The following PTPRT variants were observed in gnomAD, a reference collection of about 807,000 sequenced individuals.
PTPRT encodes the protein receptor-type tyrosine-protein phosphatase T.
In PTPRT, 56 loss-of-function variants were observed where a neutral mutation model predicts 176.8. That is an observed-to-expected ratio of 0.32 (90% CI 0.26 to 0.40). The LOEUF is 0.40. Among genes scored for constraint, PTPRT ranks in the 10% least tolerant of loss-of-function variants. The probability of loss-of-function intolerance (pLI) is 1.00; values close to 1 mark genes in which losing one functional copy is unlikely to be tolerated. For missense variants in PTPRT, 1,540 were observed against 1,908.2 expected, an observed-to-expected ratio of 0.81 and a Z score of 3.60; for synonymous variants, 783 against 739.0, an observed-to-expected ratio of 1.06 and a Z score of -0.96.
rs969235682 is a variant in PTPRT at position 42,767,103 on chromosome 20, G to A, written c.684+4332C>T. Among the ~76,000 whole-genome samples the A allele has an allele frequency of 9.2e-5, 14 of 152,188 alleles. No homozygotes were observed. The East Asian group carries it at 1.2e-3, about 13-fold the overall frequency. On this transcript the variant is annotated intron_variant, in intron 5 of 30. Coordinates refer to ENST00000373187, the MANE Select transcript of PTPRT (RefSeq NM_007050.6). ...TTGGCCTGTCTTGGATGGTGGCTGCGATCCTCTCTGGGGTGGCAGGTGTGT... is the reference window on the plus strand; with the variant it reads ...TTGGCCTGTCTTGGATGGTGGCTGCAATCCTCTCTGGGGTGGCAGGTGTGT...
intron 1 of PTPRT, among the ~76,000 whole-genome samples, chr20:43,125,378 C>A (rs2013402946): frequency 6.6e-6 from 1 of 152,118 alleles, no homozygotes; most frequent in African/African-American, 2.4e-5. Flanking sequence ...TGAATGAATA[C>A]CTGTACACAA....
chr20:42,399,980 G>A (rs560833087), intron 9 of PTPRT, among the ~76,000 whole-genome samples: 20 of 152,316 alleles, frequency 1.3e-4, no homozygotes, highest in African/African-American at 4.6e-4. Context: ...AATGTTAACA[G>A]TTGAGTCCAG....
chr20:43,115,203 A>G (rs1401614541), intron 1 of PTPRT, among the ~76,000 whole-genome samples: 3 of 152,140 alleles, frequency 2.0e-5, no homozygotes, highest in Non-Finnish European at 2.9e-5. Context: ...AAGATGCCCA[A>G]TTCCAATATT....
rs1358640361 is a variant in PTPRT, at chr20:42,195,562, G to A, written c.2491+3678C>T. Among the ~76,000 whole-genome samples, 7 of 152,108 alleles carry A rather than the reference G, an allele frequency of 4.6e-5. No individual in the cohort carries two copies. The South Asian group carries it at 8.3e-4, about 18-fold the overall frequency. On this transcript the variant is annotated intron_variant, in intron 16 of 30. Coordinates refer to ENST00000373187, the MANE Select transcript of PTPRT (RefSeq NM_007050.6). ...CATTCTAGGGCAGTCAAAAGATCCT[G>A]AGAGTGTTTTTGTAGCTGTAGCCTG...
At chr20:43,086,732 C>T (rs1349038653) in intron 1 of PTPRT, among the ~76,000 whole-genome samples, 1 of 152,142 alleles carries the variant, frequency 6.6e-6, no homozygotes, top group Non-Finnish European at 1.5e-5. Context: ...GTTGTCATAT[C>T]CATACAAAGT....
downstream of PTPRT, among the ~76,000 whole-genome samples, chr20:42,068,341 C>A (rs114060476): frequency 5.9e-3 from 898 of 152,254 alleles, 11 homozygotes; most frequent in African/African-American, 0.02. Context: ...AGCGGTTAGG[C>A]TGAGAATATT....
intron 15 of PTPRT, among the ~76,000 whole-genome samples, chr20:42,232,785 G>C (rs1197332558): frequency 7.6e-6 from 1 of 131,416 alleles, no homozygotes; most frequent in Non-Finnish European, 1.5e-5. Context: ...CTTTCAGGTA[G>C]CCAGTATCAT....
rs917391747 is a variant in PTPRT at position 42,084,603 on chromosome 20, G to A, written c.4136+79C>T. 8 of 1,255,004 alleles carry A rather than the reference G, an allele frequency of 6.4e-6. No homozygotes were observed. The East Asian group carries it at 1.5e-4, about 23-fold the overall frequency. The allele number at this position is 1,255,004 out of a possible 1,614,324, so 77.7% of individuals were successfully genotyped here. ...ATAGCCAGGCCTGCCTAGGACTGGG[G>A]TATGTGGCCAGCAGCATCTGCAAGG... On this transcript the variant is annotated intron_variant, in intron 29 of 30. Transcript: ENST00000373187.
At chr20:42,314,673 T>G (rs1474587337) in intron 12 of PTPRT, among the ~76,000 whole-genome samples, 1 of 152,072 alleles carries the variant, frequency 6.6e-6, no homozygotes, top group East Asian at 1.9e-4. Flanking sequence ...CACATTTATA[T>G]AGAGAAGAAA....
chr20:42,298,751 T>C (rs576170440), intron 12 of PTPRT, among the ~76,000 whole-genome samples: 1 of 152,240 alleles, frequency 6.6e-6, no homozygotes, highest in African/African-American at 2.4e-5. Flanking sequence ...TTAAACCCTG[T>C]CTCTACTAAA....
At chr20:42,455,578 C>T (rs1213721121) in intron 8 of PTPRT, among the ~76,000 whole-genome samples, 1 of 152,132 alleles carries the variant, frequency 6.6e-6, no homozygotes, top group East Asian at 1.9e-4. Context: ...TTAAGAGTTA[C>T]TCTTTTAATA....
At chr20:42,691,949 T>C (rs1483270306) in intron 6 of PTPRT, among the ~76,000 whole-genome samples, 1 of 152,170 alleles carries the variant, frequency 6.6e-6, no homozygotes, top group Non-Finnish European at 1.5e-5. Flanking sequence ...GCAGGCACTG[T>C]TCTAGGTATT....
At chr20:42,644,580 A>C (rs2074844618) in intron 7 of PTPRT, among the ~76,000 whole-genome samples, 1 of 152,082 alleles carries the variant, frequency 6.6e-6, no homozygotes, top group South Asian at 2.1e-4. Context: ...AATGAAGAAT[A>C]AGGTGTTTTG....
chr20:42,690,415 G>A (rs150573897), intron 6 of PTPRT, among the ~76,000 whole-genome samples: 5 of 152,322 alleles, frequency 3.3e-5, no homozygotes, highest in East Asian at 1.9e-4. Flanking sequence ...TAATGGCCAC[G>A]GGGCTGGAGA....
At chr20:42,743,047 C>A (rs1314873886) in intron 6 of PTPRT, among the ~76,000 whole-genome samples, 1 of 152,190 alleles carries the variant, frequency 6.6e-6, no homozygotes, top group African/African-American at 2.4e-5. Flanking sequence ...ATTAAAAGAA[C>A]AAACCACAGA....
chr20:42,364,220 TC>T (rs2058483613), intron 9 of PTPRT, among the ~76,000 whole-genome samples: 1 of 152,174 alleles, frequency 6.6e-6, no homozygotes, highest in Non-Finnish European at 1.5e-5. Flanking sequence ...GAGAAATCCA[TC>T]GATCACGTAA....
intron 26 of PTPRT, 36 bp from the exon 27 acceptor site, chr20:42,098,588 C>A (rs772414098): frequency 6.2e-7 from 1 of 1,612,234 alleles, no homozygotes. Flanking sequence ...GTAAATTACA[C>A]ATCCATCAGT....
intron 15 of PTPRT, among the ~76,000 whole-genome samples, chr20:42,216,932 G>A (rs1338117162): frequency 6.6e-6 from 1 of 152,110 alleles, no homozygotes; most frequent in Non-Finnish European, 1.5e-5. Context: ...GTAAATCAGG[G>A]GTGAGTGCAA....
chr20:42,638,050 G>A (rs1347818863), intron 7 of PTPRT, among the ~76,000 whole-genome samples: 1 of 152,102 alleles, frequency 6.6e-6, no homozygotes, highest in East Asian at 1.9e-4. Context: ...CACTGATAGG[G>A]AGAAATCAGT....
Sources: gnomAD v4.1 joint callset for allele counts (sites outside exome capture counted in the v4.1 genomes callset) on GRCh38, gnomAD v4.1.1 for gene constraint, MANE v1.5 for transcripts, NCBI Gene and HGNC (gene_info 2026-07-23, HGNC 2026-07-21) for gene names.